The following PDE7A variants were observed in gnomAD, a reference collection of about 807,000 sequenced individuals.
PDE7A encodes high affinity 3',5'-cyclic-AMP phosphodiesterase 7A.
PDE7A carries 39 observed loss-of-function variants against 64.3 expected under a neutral mutation model. The observed-to-expected ratio is 0.61, with a 90% CI of 0.47 to 0.79. The LOEUF is 0.79. Among genes scored for constraint, PDE7A ranks in the 30% least tolerant of loss-of-function variants. The probability of loss-of-function intolerance (pLI) is 0.00; values close to 1 mark genes in which losing one functional copy is unlikely to be tolerated. For synonymous variants in PDE7A, 203 were observed against 206.8 expected (o/e 0.98, Z 0.16); for missense variants, 470 against 582.8 (o/e 0.81, Z 1.99).
intron 1 of PDE7A, among the ~76,000 whole-genome samples, chr8:65,826,327 G>A (rs780881890): frequency 1.1e-4 from 17 of 152,190 alleles, no homozygotes; most frequent in East Asian, 3.8e-4. Context: ...TATTGCAGCC[G>A]GCTAAATATG....
chr8:65,819,512 A>G (rs1810489593), intron 1 of PDE7A, among the ~76,000 whole-genome samples: 1 of 152,252 alleles, frequency 6.6e-6, no homozygotes, highest in Admixed American at 6.5e-5. Context: ...CAAAATATGG[A>G]GAAAGCTGTA....
chr8:65,731,656 T>C (rs1394169516), intron 7 of PDE7A: 1 of 152,116 alleles, frequency 6.6e-6, no homozygotes, highest in African/African-American at 2.4e-5. Context: ...AAATAAATAC[T>C]CAAGTTAGTG....
Position 65,809,269 on chromosome 8 carries a change from C to G in PDE7A, c.139-26426G>C, listed in dbSNP as rs565553543. ...TACATAAACATTAAAAGTCTTATAA[C>G]AACCGTATTTTGTTCCACTTTGATA... On this transcript the variant is annotated intron_variant, in intron 1 of 12. Coordinates refer to ENST00000401827, the MANE Select transcript of PDE7A (RefSeq NM_001242318.3). Among the ~76,000 whole-genome samples, 127 of 152,286 alleles carry G rather than the reference C, an allele frequency of 8.3e-4. 1 individual carries two copies. Among genetic ancestry groups the G allele is most frequent in the Admixed American group, 2.9e-3 (45 of 15,304 alleles).
intron 1 of PDE7A, among the ~76,000 whole-genome samples, chr8:65,807,383 T>A (rs1229246631): frequency 6.6e-6 from 1 of 152,258 alleles, no homozygotes; most frequent in Non-Finnish European, 1.5e-5. Flanking sequence ...TGATCTTGCA[T>A]CCTGCAACTT....
intron 3 of PDE7A, among the ~76,000 whole-genome samples, chr8:65,767,037 C>CAAT (rs1808823586): frequency 6.7e-6 from 1 of 150,342 alleles, no homozygotes; most frequent in African/African-American, 2.5e-5. Context: ...ACAACAACAA[C>CAAT]GCCTGGACCA....
At position 65,806,672 on chromosome 8, in the gene PDE7A, C is replaced by A. The variant is rs778494841; in HGVS notation, c.139-23829G>T. ...TGTGCATGTAAGTGAATGTTCCATA[C>A]ACGTGTTACTGATTCACAAAGTTTG... On this transcript the variant is annotated intron_variant, in intron 1 of 12. Transcript: ENST00000401827. 2.0e-5 allele frequency among the ~76,000 whole-genome samples: 3 copies of A among 152,210 alleles called. No homozygotes were observed. In the South Asian group the frequency reaches 6.2e-4, roughly 31 times the overall value.
rs1053259048 is a variant in PDE7A at position 65,841,530 on chromosome 8, C to A, written c.-22G>T. On this transcript the variant is annotated 5_prime_UTR_variant, in exon 1 of 13. Transcript: ENST00000401827. ...CCATTGAATACGCCCGCCCTGCCTCCGCGCGGCGCCCGCCCTGCCGCGGCC... is the reference window on the plus strand; with the variant it reads ...CCATTGAATACGCCCGCCCTGCCTCAGCGCGGCGCCCGCCCTGCCGCGGCC... 3 of 1,438,246 alleles carry A rather than the reference C, an allele frequency of 2.1e-6. No individual in the cohort carries two copies. Among genetic ancestry groups the A allele is most frequent in the Non-Finnish European group, 2.7e-6 (3 of 1,097,974 alleles). 89.1% of individuals were successfully genotyped at this position (1,438,246 alleles called of 1,614,324 possible).
In PDE7A at chr8:65,719,393, G is replaced by T; in HGVS notation, c.1346C>A (p.Ala449Asp). Reference protein sequence around the residue: ...TMLGHVGLNKASWKGLQREQS... With the variant: ...TMLGHVGLNKDSWKGLQREQS... ...TTCTCTCTGCAGTCCCTTCCAGCTG[G>T]CTTTATTCAGCCCCACGTGTCCAAG... Residue 449 changes from alanine (A) to aspartate (D), a missense_variant, in exon 13 of 13, where the codon GCC (alanine) becomes GAC (aspartate). Physicochemically the swap from Ala to Asp is moderately radical, Grantham distance 126. Transcript: ENST00000401827. 1 of 1,613,834 alleles carries T rather than the reference G, an allele frequency of 6.2e-7. No homozygotes were observed. Among genetic ancestry groups the T allele is most frequent in the South Asian group, 1.1e-5 (1 of 91,070 alleles).
intron 3 of PDE7A, among the ~76,000 whole-genome samples, chr8:65,775,222 A>G (rs1265490613): frequency 1.3e-5 from 2 of 152,200 alleles, no homozygotes; most frequent in East Asian, 3.8e-4. Flanking sequence ...TATTGCAAAC[A>G]ACCAGCTCTT....
rs1167819750 is a variant in PDE7A at position 65,752,805 on chromosome 8, T to C, written c.284-5002A>G. Among the ~76,000 whole-genome samples, 10 of 152,298 alleles carry C rather than the reference T, an allele frequency of 6.6e-5. No homozygotes were observed. In the East Asian group the frequency reaches 1.9e-3, roughly 29 times the overall value. ...GTCTATGTTGAAACACCTTTATGTGTTTTCTATCTCACTTTCTCTCCAATT... is the reference window on the plus strand; with the variant it reads ...GTCTATGTTGAAACACCTTTATGTGCTTTCTATCTCACTTTCTCTCCAATT... On this transcript the variant is annotated intron_variant, in intron 3 of 12. Transcript: ENST00000401827.
intron 3 of PDE7A, among the ~76,000 whole-genome samples, chr8:65,778,995 C>T (rs894799398): frequency 6.6e-6 from 1 of 152,210 alleles, no homozygotes; most frequent in Non-Finnish European, 1.5e-5. Context: ...ATCTTCTAAT[C>T]CACCTTTCCC....
chr8:65,714,502 C>A lies in PDE7A; in HGVS notation c.*4788G>T, dbSNP rs774347830. Reference sequence around the variant, plus strand: ...GGGCTCTTGGGGGCCTTCCAGATGACACAAGTCATTATTAGCAAGGAACAA... The same window carrying A: ...GGGCTCTTGGGGGCCTTCCAGATGAAACAAGTCATTATTAGCAAGGAACAA... On this transcript the variant is annotated 3_prime_UTR_variant, in exon 13 of 13. Transcript: ENST00000401827. 1 of 152,052 alleles carries A rather than the reference C, an allele frequency of 6.6e-6. No homozygotes were observed. Among genetic ancestry groups the A allele is most frequent in the African/African-American group, 2.4e-5 (1 of 41,388 alleles). 9.4% of individuals were successfully genotyped at this position (152,052 alleles called of 1,614,324 possible). A position where few individuals can be genotyped will look rare whatever the true frequency, so the allele number is the denominator to read the frequency against.
intron 3 of PDE7A, among the ~76,000 whole-genome samples, chr8:65,754,002 G>A (rs1324476205): frequency 1.3e-5 from 2 of 151,834 alleles, no homozygotes; most frequent in Non-Finnish European, 2.9e-5. Flanking sequence ...GATTAGTTCT[G>A]TCCCTCTAAA....
intron 3 of PDE7A, among the ~76,000 whole-genome samples, chr8:65,773,133 A>G (rs1478752484): frequency 6.6e-6 from 1 of 152,256 alleles, no homozygotes; most frequent in Non-Finnish European, 1.5e-5. Context: ...AACAGATTTT[A>G]GTCATAGCAG....
At chr8:65,728,304 A>T (rs759993519) in intron 7 of PDE7A, 1 of 151,836 alleles carries the variant, frequency 6.6e-6, no homozygotes, top group Admixed American at 6.6e-5. Context: ...TGAAAATTTT[A>T]AAAATGAGAT....
chr8:65,779,836 G>C, intron 2 of PDE7A, 33 bp from the exon 3 acceptor site: 2 of 1,392,520 alleles, frequency 1.4e-6, no homozygotes, highest in African/African-American at 2.9e-5. Flanking sequence ...CATAAGTTTA[G>C]AAGGTTGTCA....
intron 6 of PDE7A, among the ~76,000 whole-genome samples, chr8:65,737,243 A>G (rs1226378729): frequency 4.6e-5 from 7 of 152,142 alleles, no homozygotes; most frequent in African/African-American, 1.4e-4. Flanking sequence ...TATGGCTTTA[A>G]GGCTTAATTC....
At chr8:65,813,943 T>C (rs1810316764) in intron 1 of PDE7A, among the ~76,000 whole-genome samples, 1 of 152,240 alleles carries the variant, frequency 6.6e-6, no homozygotes, top group Non-Finnish European at 1.5e-5. Context: ...CTGCATATTT[T>C]GCAAGTTGAG....
chr8:65,794,721 T>A (rs1289927828), intron 1 of PDE7A, among the ~76,000 whole-genome samples: 1 of 151,860 alleles, frequency 6.6e-6, no homozygotes, highest in Non-Finnish European at 1.5e-5. Flanking sequence ...CACACAGAGA[T>A]TGAGATCTTC....
Sources: gnomAD v4.1 joint callset for allele counts (sites outside exome capture counted in the v4.1 genomes callset) on GRCh38, gnomAD v4.1.1 for gene constraint, MANE v1.5 for transcripts, NCBI Gene and HGNC (gene_info 2026-07-23, HGNC 2026-07-21) for gene names.